The following TMEM117 variants were observed in gnomAD, a reference collection of about 807,000 sequenced individuals.
The protein encoded by TMEM117 is transmembrane protein 117.
Under a neutral mutation model 52.4 loss-of-function variants are expected in TMEM117, and 27 were observed. The ratio of observed to expected loss-of-function variants is 0.51; its 90% CI spans 0.38 to 0.71. The LOEUF is 0.71. Among genes scored for constraint, TMEM117 ranks in the 30% least tolerant of loss-of-function variants. The probability of loss-of-function intolerance (pLI) is 0.00; values close to 1 mark genes in which losing one functional copy is unlikely to be tolerated. For missense variants in TMEM117, 556 were observed against 630.5 expected, an observed-to-expected ratio of 0.88 and a Z score of 1.26; for synonymous variants, 215 against 206.3, an observed-to-expected ratio of 1.04 and a Z score of -0.36.
chr12:44,259,945 G>A (rs548945878), intron 5 of TMEM117, among the ~76,000 whole-genome samples: 151 of 152,122 alleles, frequency 9.9e-4, no homozygotes, highest in African/African-American at 3.5e-3. Flanking sequence ...TTTAAAAACC[G>A]CCATGAAAAA....
chr12:43,854,055 T>A (rs1471959105), intron 2 of TMEM117, among the ~76,000 whole-genome samples: 1 of 152,126 alleles, frequency 6.6e-6, no homozygotes, highest in Non-Finnish European at 1.5e-5. Flanking sequence ...AAAAGGTAGG[T>A]TGGGCCAAAA....
At chr12:44,150,527 A>G (rs1344899677) in intron 4 of TMEM117, among the ~76,000 whole-genome samples, 1 of 152,154 alleles carries the variant, frequency 6.6e-6, no homozygotes, top group Non-Finnish European at 1.5e-5. Flanking sequence ...AAAAAAAATT[A>G]ATAATAATCA....
intron 3 of TMEM117, among the ~76,000 whole-genome samples, chr12:43,996,511 C>T (rs1488445875): frequency 1.3e-5 from 2 of 151,862 alleles, no homozygotes; most frequent in Admixed American, 6.6e-5. Context: ...GGCGTGGTGG[C>T]GGGCGCCTGT....
At chr12:43,883,193 A>G (rs1376602332) in intron 2 of TMEM117, among the ~76,000 whole-genome samples, 3 of 152,240 alleles carry the variant, frequency 2.0e-5, no homozygotes, top group Non-Finnish European at 4.4e-5. Context: ...AATGAGGAAG[A>G]AGAGGTATAA....
chr12:43,881,899 C>T (rs1049726575), intron 2 of TMEM117, among the ~76,000 whole-genome samples: 4 of 151,208 alleles, frequency 2.6e-5, no homozygotes, highest in Admixed American at 6.6e-5. Context: ...AGTGAAACCC[C>T]ATCTCTACTA....
intron 3 of TMEM117, among the ~76,000 whole-genome samples, chr12:44,124,786 C>G (rs960157426): frequency 2.6e-5 from 4 of 152,134 alleles, no homozygotes; most frequent in African/African-American, 9.7e-5. Flanking sequence ...TTTTTATGTG[C>G]TGCTAGATTC....
At chr12:44,143,030 G>C (rs1002937367) in intron 3 of TMEM117, among the ~76,000 whole-genome samples, 1 of 152,054 alleles carries the variant, frequency 6.6e-6, no homozygotes, top group African/African-American at 2.4e-5. Flanking sequence ...TATTATGCAT[G>C]GAAATTTTTC....
chr12:43,815,976 G>A, the TMEM117 span, among the ~76,000 whole-genome samples: 1 of 152,168 alleles, frequency 6.6e-6, no homozygotes, highest in Non-Finnish European at 1.5e-5. Flanking sequence ...ATTTTGGAAC[G>A]TCTAAATAAA....
intron 6 of TMEM117, among the ~76,000 whole-genome samples, chr12:44,323,327 G>C (rs1032838847): frequency 2.0e-5 from 3 of 152,090 alleles, no homozygotes; most frequent in African/African-American, 7.2e-5. Context: ...TAATACACTT[G>C]ATTTTCTCCA....
chr12:44,124,335 A>G lies in TMEM117; in HGVS notation c.411-19190A>G, dbSNP rs146836465. On this transcript the variant is annotated intron_variant, in intron 3 of 7. Transcript: ENST00000266534. ...GATGGGGTTTTCTAGATATAGGATC[A>G]TGTCATCTGCAAGCAAAGACAATTT... 3.3e-3 allele frequency among the ~76,000 whole-genome samples: 507 copies of G among 152,348 alleles called. 4 individuals are homozygous for G. The highest frequency in any genetic ancestry group is 0.011 in the African/African-American group (473 of 41,572).
chr12:43,916,227 G>A (rs773910113), intron 2 of TMEM117, among the ~76,000 whole-genome samples: 5 of 152,110 alleles, frequency 3.3e-5, no homozygotes, highest in Admixed American at 6.6e-5. Context: ...ATTTTTCAGT[G>A]ACTTAATGCC....
intron 3 of TMEM117, among the ~76,000 whole-genome samples, chr12:44,079,327 C>T (rs1218904447): frequency 2.0e-5 from 3 of 152,170 alleles, no homozygotes; most frequent in African/African-American, 7.2e-5. Flanking sequence ...ACACTCCCAC[C>T]AACAGTATAA....
intron 5 of TMEM117, among the ~76,000 whole-genome samples, chr12:44,292,294 C>T (rs1592670884): frequency 6.6e-6 from 1 of 151,892 alleles, no homozygotes. Context: ...TCTGTGGTAT[C>T]AGTTGTAATG....
chr12:44,254,179 A>G (rs1229410515), intron 5 of TMEM117, among the ~76,000 whole-genome samples: 1 of 152,068 alleles, frequency 6.6e-6, no homozygotes, highest in Non-Finnish European at 1.5e-5. Context: ...ACAAGTAAAA[A>G]GATTTATATA....
intron 5 of TMEM117, 66 bp from the exon 6 acceptor site, chr12:44,299,514 A>G (rs971583963): frequency 6.4e-7 from 1 of 1,561,296 alleles, no homozygotes; most frequent in Admixed American, 1.7e-5. Flanking sequence ...AACACAGATA[A>G]CATGCACTCT....
At chr12:44,348,279 A>G (rs1025298955) in intron 6 of TMEM117, among the ~76,000 whole-genome samples, 11 of 151,580 alleles carry the variant, frequency 7.3e-5, no homozygotes, top group Non-Finnish European at 1.2e-4. Flanking sequence ...AAAAAAAAAA[A>G]AGAGAGAGCT....
chr12:44,239,176 T>C (rs902588244), intron 5 of TMEM117, among the ~76,000 whole-genome samples: 2 of 152,212 alleles, frequency 1.3e-5, no homozygotes, highest in Non-Finnish European at 2.9e-5. Context: ...CGGTATTATG[T>C]TTCTCAACTT....
chr12:44,256,354 A>G (rs942334339), intron 5 of TMEM117, among the ~76,000 whole-genome samples: 34 of 152,092 alleles, frequency 2.2e-4, no homozygotes, highest in South Asian at 8.3e-4. Flanking sequence ...CTTACTATTG[A>G]ATGTGGACCC....
intron 4 of TMEM117, among the ~76,000 whole-genome samples, chr12:44,158,450 A>T (rs1282428822): frequency 9.9e-5 from 15 of 152,184 alleles, no homozygotes; most frequent in Admixed American, 9.8e-4. Flanking sequence ...CTTTGTCAAC[A>T]TAAAGGCGAG....
Sources: allele counts gnomAD v4.1 joint callset (sites outside exome capture counted in the v4.1 genomes callset), GRCh38; gene constraint gnomAD v4.1.1; transcripts MANE v1.5; gene names NCBI Gene and HGNC (gene_info 2026-07-23, HGNC 2026-07-21).